Variants in OXNAD1 observed in about 807,000 individuals in gnomAD.
The protein encoded by OXNAD1 is oxidoreductase NAD binding domain containing 1.
A neutral mutation model predicts 32.9 loss-of-function variants in OXNAD1; 34 were observed. The ratio of observed to expected loss-of-function variants is 1.03; its 90% CI spans 0.79 to 1.38. The LOEUF (loss-of-function observed/expected upper bound fraction) is 1.38. Ranked by LOEUF, OXNAD1 falls within the 40% of genes most tolerant of loss-of-function variation. The probability of loss-of-function intolerance (pLI) is 0.00; values close to 1 mark genes in which losing one functional copy is unlikely to be tolerated. For synonymous variants in OXNAD1, 134 were observed against 135.2 expected (o/e 0.99, Z 0.06); for missense variants, 407 against 379.4 (o/e 1.07, Z -0.60).
In OXNAD1 at chr3:16,266,000, A is replaced by C. The variant is rs563799399; in HGVS notation, c.-159+495A>C. 2.5e-4 allele frequency: 171 copies of C among 681,962 alleles called. No homozygotes were observed. Among genetic ancestry groups the C allele is most frequent in the Non-Finnish European group, 3.0e-4 (166 of 553,098 alleles). The allele number at this position is 681,962 out of a possible 1,614,324, so 42.2% of individuals were successfully genotyped here. A position where few individuals can be genotyped will look rare whatever the true frequency, so the allele number is the denominator to read the frequency against. ...GCAGTGCTAGTGCCTGTTTTGGTAA[A>C]ACCGATTACATTGGGTCTTACTTAA... On this transcript the variant is annotated intron_variant, in intron 1 of 8. Transcript: ENST00000285083. The surrounding 1 kb of genome is among the most constrained non-coding windows in gnomAD (Gnocchi z 4.8).
Position 16,344,712 on chromosome 3 carries a change from C to A in OXNAD1, c.*31-4464C>A, listed in dbSNP as rs978076401. 6.6e-6 allele frequency among the ~76,000 whole-genome samples: 1 copy of A among 152,186 alleles called. No homozygotes were observed. The highest frequency in any genetic ancestry group is 2.4e-5 in the African/African-American group (1 of 41,434). Reference sequence around the variant, plus strand: ...GAAAGCTCATGAAGACAGACCTCCTCCCAATGAAAGCACATCGTTGCCAAG... The same window carrying A: ...GAAAGCTCATGAAGACAGACCTCCTACCAATGAAAGCACATCGTTGCCAAG... On this transcript the variant is annotated intron_variant, in intron 9 of 9. Transcript: ENST00000606098. The surrounding 1 kb of genome is among the most constrained non-coding windows in gnomAD (Gnocchi z 4.4).
rs1262197235 is a variant in OXNAD1 at position 16,345,843 on chromosome 3, C to T, written c.*31-3333C>T. ...GCGCGCGCGCGTGCGCGCACGCGCA[C>T]ATGTGCATGTGTATGTGTATAATCT... On this transcript the variant is annotated intron_variant, in intron 9 of 9. Transcript: ENST00000606098. This position sits in a 1 kb window ranked among gnomAD's most constrained non-coding sequence, Gnocchi z 5.2. Among the ~76,000 whole-genome samples, 3 of 77,528 alleles carry T rather than the reference C, an allele frequency of 3.9e-5. No individual in the cohort carries two copies. Among genetic ancestry groups the T allele is most frequent in the African/African-American group, 1.3e-4 (2 of 15,074 alleles). The allele number at this position is 77,528 out of a possible 152,430, so 50.9% of individuals were successfully genotyped here. A position where few individuals can be genotyped will look rare whatever the true frequency, so the allele number is the denominator to read the frequency against.
Position 16,284,422 on chromosome 3 carries a change from A to G in OXNAD1, c.184-1920A>G, listed in dbSNP as rs900864543. Among the ~76,000 whole-genome samples, 2 of 152,246 alleles carry G rather than the reference A, an allele frequency of 1.3e-5. No individual in the cohort carries two copies. Among genetic ancestry groups the G allele is most frequent in the Non-Finnish European group, 2.9e-5 (2 of 68,046 alleles). ...ACAAACCTGGAGGGGATAGCCTACTACACACTTAGGCTAAATGGTATAGCC... is the reference window on the plus strand; with the variant it reads ...ACAAACCTGGAGGGGATAGCCTACTGCACACTTAGGCTAAATGGTATAGCC... On this transcript the variant is annotated intron_variant, in intron 4 of 8. Coordinates refer to ENST00000285083, the MANE Select transcript of OXNAD1 (RefSeq NM_138381.5). The surrounding 1 kb of genome is among the most constrained non-coding windows in gnomAD (Gnocchi z 4.1).
At chr3:16,294,508 C>G (rs1052909601) in intron 5 of OXNAD1, among the ~76,000 whole-genome samples, 2 of 152,196 alleles carry the variant, frequency 1.3e-5, no homozygotes, top group African/African-American at 4.8e-5. Context: ...TGCGACTGGC[C>G]TGGGCCTGAG....
At chr3:16,269,349 C>A in intron 2 of OXNAD1, 74 bp downstream of exon 2, 1 of 1,480,188 alleles carries the variant, frequency 6.8e-7, no homozygotes. Flanking sequence ...AGAAAAACTA[C>A]GTTTAGTGGT....
rs1166570924 is a variant in OXNAD1 at position 16,346,376 on chromosome 3, G to A, written c.*31-2800G>A. On this transcript the variant is annotated intron_variant, in intron 9 of 9. Coordinates refer to the OXNAD1 transcript ENST00000606098. The surrounding 1 kb of genome is among the most constrained non-coding windows in gnomAD (Gnocchi z 4.4). ...TATGAAGTGAAATATGGCTGTCTGA[G>A]AAAATAGGACAATTGAGTTTATGGA... is the stretch of plus-strand genomic sequence containing the variant. 1 of 152,166 alleles carries A rather than the reference G, an allele frequency of 6.6e-6. No homozygotes were observed. The highest frequency in any genetic ancestry group is 1.5e-5 in the Non-Finnish European group (1 of 68,032). The allele number at this position is 152,166 out of a possible 1,614,324, so 9.4% of individuals were successfully genotyped here.
Position 16,290,889 on chromosome 3 carries a change from C to T in OXNAD1, c.291-3967C>T, listed in dbSNP as rs186823613. 6.6e-6 allele frequency among the ~76,000 whole-genome samples: 1 copy of T among 152,152 alleles called. No individual in the cohort carries two copies. The highest frequency in any genetic ancestry group is 6.5e-5 in the Admixed American group (1 of 15,288). On this transcript the variant is annotated intron_variant, in intron 5 of 8. Coordinates refer to ENST00000285083, the MANE Select transcript of OXNAD1 (RefSeq NM_138381.5). This position sits in a 1 kb window ranked among gnomAD's most constrained non-coding sequence, Gnocchi z 4.2. ...TCTTTTAGGCCTGTATGTAGGTAAG[C>T]AACTGGGGAAGGATGATACTTTTTG...
chr3:16,279,100 G>C (rs751967995), intron 4 of OXNAD1, among the ~76,000 whole-genome samples: 18 of 152,220 alleles, frequency 1.2e-4, no homozygotes, highest in Non-Finnish European at 1.9e-4. Context: ...GATGGTCAAA[G>C]AACCTTTTAG....
In OXNAD1 at chr3:16,312,344, T is replaced by G. The variant is rs1320100423; in HGVS notation, c.*30+8752T>G. 6.6e-6 allele frequency among the ~76,000 whole-genome samples: 1 copy of G among 152,152 alleles called. No homozygotes were observed. Among genetic ancestry groups the G allele is most frequent in the African/African-American group, 2.4e-5 (1 of 41,428 alleles). On this transcript the variant is annotated intron_variant, in intron 9 of 9. Transcript: ENST00000435829. This position sits in a 1 kb window ranked among gnomAD's most constrained non-coding sequence, Gnocchi z 4.7. ...GGTCATAGTGCAGGCAGAGCACTAA[T>G]CACCAGGGGCCCACCCTGCACTACT...
intron 5 of OXNAD1, among the ~76,000 whole-genome samples, chr3:16,294,475 C>G (rs1245200070): frequency 6.6e-6 from 1 of 152,190 alleles, no homozygotes; most frequent in Admixed American, 6.5e-5. Flanking sequence ...TCCCAAAGTG[C>G]TGGGATTACA....
Position 16,302,825 on chromosome 3 carries a change from TTTA to T in OXNAD1, c.784+80_784+82del, listed in dbSNP as rs2067286456. The T allele has an allele frequency of 4.6e-6, 5 of 1,087,828 alleles. No individual in the cohort carries two copies. Among genetic ancestry groups the T allele is most frequent in the Non-Finnish European group, 6.8e-6 (5 of 731,718 alleles). 67.4% of individuals were successfully genotyped at this position (1,087,828 alleles called of 1,614,324 possible). On this transcript the variant is annotated intron_variant, in intron 8 of 8. Coordinates refer to ENST00000285083, the MANE Select transcript of OXNAD1 (RefSeq NM_138381.5). The surrounding 1 kb of genome is among the most constrained non-coding windows in gnomAD (Gnocchi z 4.2). The stretch of plus-strand genomic sequence containing the variant: ...ACACCAGTTGGTTGAGCGTAGATGC[TTTA>T]TTGTTGGAAGCTGCTGGCTGGGAAT...
chr3:16,303,354 T>C lies in OXNAD1; in HGVS notation c.785-54T>C, dbSNP rs1265109222. On this transcript the variant is annotated intron_variant, in intron 8 of 8. Coordinates refer to ENST00000285083, the MANE Select transcript of OXNAD1 (RefSeq NM_138381.5). This position sits in a 1 kb window ranked among gnomAD's most constrained non-coding sequence, Gnocchi z 4.8. Reference sequence around the variant, plus strand: ...TGAATTGTGGTTAGTCCTTCCTCATTTGCTGATACAACCATGTCTGGCTTA... The same window carrying C: ...TGAATTGTGGTTAGTCCTTCCTCATCTGCTGATACAACCATGTCTGGCTTA... 1.1e-5 allele frequency: 17 copies of C among 1,588,192 alleles called. No individual in the cohort carries two copies. The highest frequency in any genetic ancestry group is 1.7e-5 in the Admixed American group (1 of 58,576).
Position 16,317,385 on chromosome 3 carries a change from A to G in OXNAD1, c.*30+13793A>G, listed in dbSNP as rs2068521018. Among the ~76,000 whole-genome samples, 1 of 151,346 alleles carries G rather than the reference A, an allele frequency of 6.6e-6. No individual in the cohort carries two copies. The highest frequency in any genetic ancestry group is 1.5e-5 in the Non-Finnish European group (1 of 67,840). ...CAGGCAGTACAGGCACCAAACTTGA[A>G]TCGCACACTATCACATCACACCCAC... On this transcript the variant is annotated intron_variant, in intron 9 of 9. Transcript: ENST00000435829. The surrounding 1 kb of genome is among the most constrained non-coding windows in gnomAD (Gnocchi z 4.3).
At position 16,302,609 on chromosome 3, in the gene OXNAD1, G is replaced by A. The variant is rs753025032; in HGVS notation, c.676-31G>A. 2.7e-6 allele frequency: 4 copies of A among 1,483,514 alleles called. No homozygotes were observed. In the African/African-American group the frequency reaches 4.2e-5, roughly 16 times the overall value. The allele number at this position is 1,483,514 out of a possible 1,614,324, so 91.9% of individuals were successfully genotyped here. A position where few individuals can be genotyped will look rare whatever the true frequency, so the allele number is the denominator to read the frequency against. On this transcript the variant is annotated intron_variant, in intron 7 of 8. Transcript: ENST00000285083. This position sits in a 1 kb window ranked among gnomAD's most constrained non-coding sequence, Gnocchi z 4.2. Reference sequence around the variant, plus strand: ...ACATCTGTTTTGATTTTTTAAAATTGTAGTGTGACCAAATATGTTTGACAT... The same window carrying A: ...ACATCTGTTTTGATTTTTTAAAATTATAGTGTGACCAAATATGTTTGACAT...
rs116081246 is a variant in OXNAD1 at position 16,270,726 on chromosome 3, A to C, written c.-8-219A>C. Reference sequence around the variant, plus strand: ...AATATTTGATAATACCAAAAATTACATACTTATATACATAATTGTGGAGAT... The same window carrying C: ...AATATTTGATAATACCAAAAATTACCTACTTATATACATAATTGTGGAGAT... On this transcript the variant is annotated intron_variant, in intron 2 of 8. Transcript: ENST00000285083. Among the ~76,000 whole-genome samples, 1,199 of 152,296 alleles carry C rather than the reference A, an allele frequency of 7.9e-3. 14 individuals carry two copies. The highest frequency in any genetic ancestry group is 0.028 in the African/African-American group (1,153 of 41,556).
intron 9 of OXNAD1, among the ~76,000 whole-genome samples, chr3:16,311,174 CTT>C (rs1367326838): frequency 0.02 from 2,848 of 138,996 alleles, 76 homozygotes; most frequent in East Asian, 0.11. Context: ...TTCTTTGGGT[CTT>C]TTTTTAAAAA....
chr3:16,338,532 G>C, downstream of OXNAD1, among the ~76,000 whole-genome samples: 1 of 152,170 alleles, frequency 6.6e-6, no homozygotes, highest in African/African-American at 2.4e-5. This position sits in a 1 kb window ranked among gnomAD's most constrained non-coding sequence, Gnocchi z 5.3. Flanking sequence ...AGGGTGAGGG[G>C]GTCCTCCCAG....
downstream of OXNAD1, among the ~76,000 whole-genome samples, chr3:16,341,146 C>A (rs1363536289): frequency 1.3e-5 from 2 of 152,354 alleles, no homozygotes; most frequent in African/African-American, 4.8e-5. The surrounding 1 kb of genome is among the most constrained non-coding windows in gnomAD (Gnocchi z 4.7). Flanking sequence ...ATCCAAAACA[C>A]TGACAATACT....
At chr3:16,292,374 G>A (rs531918001) in intron 5 of OXNAD1, among the ~76,000 whole-genome samples, 71 of 151,858 alleles carry the variant, frequency 4.7e-4, no homozygotes, top group African/African-American at 1.7e-3. Flanking sequence ...TTTATTTTTA[G>A]TAGATACGGG....
Sources: gnomAD v4.1 joint callset for allele counts (sites outside exome capture counted in the v4.1 genomes callset) on GRCh38, gnomAD v4.1.1 for gene constraint, Gnocchi (gnomAD v3.1) non-coding constraint, MANE v1.5 for transcripts, NCBI Gene and HGNC (gene_info 2026-07-23, HGNC 2026-07-21) for gene names.